Variants in ZNF804B observed in about 807,000 individuals in gnomAD.
The protein encoded by ZNF804B is zinc finger 804B.
ZNF804B carries 80 observed loss-of-function variants against 101.4 expected under a neutral mutation model. That is an observed-to-expected ratio of 0.79 (90% CI 0.66 to 0.95). The LOEUF (loss-of-function observed/expected upper bound fraction) is 0.95, where lower values mean the gene tolerates loss of function less well. Among genes scored for constraint, ZNF804B ranks in the 40% least tolerant of loss-of-function variants. The pLI, the probability that ZNF804B is intolerant of heterozygous loss-of-function variation, is 0.00. For synonymous variants in ZNF804B, 622 were observed against 558.8 expected, an observed-to-expected ratio of 1.11 and a Z score of -1.59; for missense variants, 1,673 against 1,561.9, an observed-to-expected ratio of 1.07 and a Z score of -1.20.
intron 1 of ZNF804B, among the ~76,000 whole-genome samples, chr7:88,836,986 GTTC>G (rs1197086068): frequency 6.6e-6 from 1 of 151,798 alleles, no homozygotes; most frequent in African/African-American, 2.4e-5. Context: ...TTTTCTGTTA[GTTC>G]TTCTTTGCCA....
intron 1 of ZNF804B, among the ~76,000 whole-genome samples, chr7:88,924,863 A>G (rs952280869): frequency 4.6e-5 from 7 of 152,184 alleles, no homozygotes; most frequent in Non-Finnish European, 8.8e-5. Context: ...CATTTAAAAC[A>G]CTGCCTAGTA....
At chr7:89,209,199 A>G (rs1788765660) in intron 1 of ZNF804B, among the ~76,000 whole-genome samples, 2 of 152,156 alleles carry the variant, frequency 1.3e-5, no homozygotes. Flanking sequence ...CCAAATTAGA[A>G]ACAATGCTGA....
At chr7:89,241,071 C>T (rs1375657057) in intron 2 of ZNF804B, among the ~76,000 whole-genome samples, 1 of 152,116 alleles carries the variant, frequency 6.6e-6, no homozygotes, top group Non-Finnish European at 1.5e-5. Context: ...ATCTCTGTCT[C>T]TGTGTCTGAG....
chr7:89,251,173 G>T (rs1789534294), intron 2 of ZNF804B, among the ~76,000 whole-genome samples: 1 of 152,086 alleles, frequency 6.6e-6, no homozygotes. Flanking sequence ...CTGATAATAT[G>T]ATTCTATAGC....
At chr7:89,075,518 A>T (rs1172439081) in intron 1 of ZNF804B, among the ~76,000 whole-genome samples, 2 of 152,154 alleles carry the variant, frequency 1.3e-5, no homozygotes, top group East Asian at 3.9e-4. Context: ...AGGAACCTCC[A>T]CCTGGATTTC....
chr7:89,040,080 T>A (rs572306764), intron 1 of ZNF804B, among the ~76,000 whole-genome samples: 21 of 152,168 alleles, frequency 1.4e-4, no homozygotes, highest in African/African-American at 4.8e-4. Flanking sequence ...ATACTTTTTC[T>A]CTTTCTCTGC....
chr7:88,782,495 A>G (rs1790244757), intron 1 of ZNF804B, among the ~76,000 whole-genome samples: 1 of 152,050 alleles, frequency 6.6e-6, no homozygotes, highest in Non-Finnish European at 1.5e-5. Flanking sequence ...ATATACACTA[A>G]TATCTCCACC....
At chr7:89,021,370 G>A (rs139346549) in intron 1 of ZNF804B, among the ~76,000 whole-genome samples, 1 of 152,266 alleles carries the variant, frequency 6.6e-6, no homozygotes, top group East Asian at 1.9e-4. Flanking sequence ...AGCCAACTGA[G>A]GGTGTGATTC....
At chr7:89,194,524 T>C (rs1467348200) in intron 1 of ZNF804B, among the ~76,000 whole-genome samples, 2 of 150,002 alleles carry the variant, frequency 1.3e-5, no homozygotes, top group Non-Finnish European at 1.5e-5. Context: ...TTCAGCTTTC[T>C]ATATATGGCT....
At chr7:89,010,695 G>C (rs1788442658) in intron 1 of ZNF804B, among the ~76,000 whole-genome samples, 2 of 152,104 alleles carry the variant, frequency 1.3e-5, no homozygotes, top group Non-Finnish European at 2.9e-5. Flanking sequence ...TTGATGTAAA[G>C]AGTTACATGT....
rs1554340248 is a variant in ZNF804B at position 88,854,527 on chromosome 7, T to TTCCCTTTCC, written c.108+94444_108+94445insCCCTTTCCT. ...CTTTCCTTTCCTTTCCTTTCCTTCCTTTCCTTCCTTCCTTCCTTCCTTCCT... is the reference window on the plus strand; with the variant it reads ...CTTTCCTTTCCTTTCCTTTCCTTCCTTCCCTTTCCTTCCTTCCTTCCTTCCTTCCTTCCT... On this transcript the variant is annotated intron_variant, in intron 1 of 3. Transcript: ENST00000333190. Among the ~76,000 whole-genome samples, 16 of 40,072 alleles carry TTCCCTTTCC rather than the reference T, an allele frequency of 4.0e-4. 1 individual carries two copies. Among genetic ancestry groups the TTCCCTTTCC allele is most frequent in the African/African-American group, 1.4e-3 (13 of 9,622 alleles). 26.3% of individuals were successfully genotyped at this position (40,072 alleles called of 152,430 possible).
chr7:88,953,728 A>G (rs897241403), intron 1 of ZNF804B, among the ~76,000 whole-genome samples: 2 of 151,726 alleles, frequency 1.3e-5, no homozygotes, highest in African/African-American at 4.8e-5. Context: ...TACTCACTCA[A>G]GACAAAGAGG....
At chr7:89,285,211 C>A (rs1419743683) in intron 2 of ZNF804B, among the ~76,000 whole-genome samples, 2 of 150,846 alleles carry the variant, frequency 1.3e-5, no homozygotes, top group African/African-American at 4.9e-5. Flanking sequence ...AGAGCAAGAC[C>A]CTGTCACAAA....
intron 1 of ZNF804B, among the ~76,000 whole-genome samples, chr7:89,184,216 C>T (rs1159131763): frequency 4.7e-4 from 71 of 152,130 alleles, no homozygotes; most frequent in Non-Finnish European, 5.9e-5. Context: ...CTCACACACA[C>T]ATATTTTAAT....
chr7:89,242,541 G>A (rs1789387286), intron 2 of ZNF804B, among the ~76,000 whole-genome samples: 1 of 151,310 alleles, frequency 6.6e-6, no homozygotes, highest in South Asian at 2.1e-4. Flanking sequence ...TGTTTCTAAT[G>A]TGTGGACAAC....
At chr7:88,868,604 A>G (rs1791772338) in intron 1 of ZNF804B, among the ~76,000 whole-genome samples, 1 of 152,236 alleles carries the variant, frequency 6.6e-6, no homozygotes, top group Non-Finnish European at 1.5e-5. Context: ...CACTGTGGGC[A>G]ACCACTGCCA....
chr7:88,904,711 A>G (rs920887866), intron 1 of ZNF804B, among the ~76,000 whole-genome samples: 1 of 151,964 alleles, frequency 6.6e-6, no homozygotes, highest in South Asian at 2.1e-4. Context: ...ACTTTTTGCT[A>G]TTGTAAATGG....
intron 1 of ZNF804B, among the ~76,000 whole-genome samples, chr7:88,820,399 A>T (rs949570183): frequency 6.6e-6 from 1 of 152,076 alleles, no homozygotes; most frequent in Non-Finnish European, 1.5e-5. Context: ...TGTTCCAGTG[A>T]GTGGGTTCAG....
rs768696000 is a variant in ZNF804B, at chr7:89,335,334, C to G, written c.2352C>G (p.Asn784Lys). The G allele has an allele frequency of 1.9e-6, 3 of 1,613,706 alleles. No homozygotes were observed. The highest frequency in any genetic ancestry group is 2.5e-6 in the Non-Finnish European group (3 of 1,179,934). ...AGTCTGAACCACAGAAAGAGAGGAA[C>G]TGCAAATTGTGGGAATCATTTAAAA... ...QMQSEPQKER[N>K]CKLWESFKNE... The change falls in exon 4 of 4, where the codon AAC becomes AAG. Residue 784 changes from asparagine (N) to lysine (K), a missense_variant. Coordinates refer to ENST00000333190, the MANE Select transcript of ZNF804B (RefSeq NM_181646.5).
Sources: allele counts gnomAD v4.1 joint callset (sites outside exome capture counted in the v4.1 genomes callset), GRCh38; gene constraint gnomAD v4.1.1; transcripts MANE v1.5; gene names NCBI Gene and HGNC (gene_info 2026-07-23, HGNC 2026-07-21).